Variants in GPR176 observed in about 807,000 individuals in gnomAD.
The protein encoded by GPR176 is G protein-coupled receptor 176, also known as G-protein coupled receptor 176.
A neutral mutation model predicts 35.4 loss-of-function variants in GPR176; 26 were observed. The observed-to-expected ratio is 0.74, with a 90% confidence interval of 0.54 to 1.02. The LOEUF is 1.02. GPR176 is among the 50% of genes least tolerant of loss of function. GPR176 has a pLI of 0.00. For synonymous variants in GPR176, 278 were observed against 271.3 expected, an observed-to-expected ratio of 1.02 and a Z score of -0.24; for missense variants, 597 against 665.3, an observed-to-expected ratio of 0.90 and a Z score of 1.13.
chr15:39,890,150 TG>T (rs1318243665), intron 1 of GPR176, among the ~76,000 whole-genome samples: 1 of 152,146 alleles, frequency 6.6e-6, no homozygotes, highest in Non-Finnish European at 1.5e-5. Context: ...ACTACAAATT[TG>T]GGTTTTCTTA....
intron 1 of GPR176, among the ~76,000 whole-genome samples, chr15:39,822,781 T>C (rs1317186409): frequency 6.6e-6 from 1 of 152,200 alleles, no homozygotes; most frequent in African/African-American, 2.4e-5. Context: ...TCAGTAAAAT[T>C]AATGAAATCA....
intron 1 of GPR176, among the ~76,000 whole-genome samples, chr15:39,902,138 A>G (rs2140871702): frequency 6.6e-6 from 1 of 152,240 alleles, no homozygotes; most frequent in Non-Finnish European, 1.5e-5. Context: ...CTAAAACAGA[A>G]TTTCTGTTGG....
intron 1 of GPR176, among the ~76,000 whole-genome samples, chr15:39,812,398 A>T (rs966734660): frequency 1.3e-5 from 2 of 152,234 alleles, no homozygotes; most frequent in African/African-American, 4.8e-5. Context: ...TCTGGCCTCC[A>T]TCTTTCTCCC....
At chr15:39,875,120 T>C (rs1297228225) in intron 1 of GPR176, among the ~76,000 whole-genome samples, 1 of 152,162 alleles carries the variant, frequency 6.6e-6, no homozygotes. Flanking sequence ...CAACAGAACA[T>C]GGAGCCCAGT....
At chr15:39,902,353 A>C (rs1477770104) in intron 1 of GPR176, among the ~76,000 whole-genome samples, 3 of 152,178 alleles carry the variant, frequency 2.0e-5, no homozygotes, top group East Asian at 1.9e-4. Flanking sequence ...TTTGTTATTA[A>C]CAAGAAAAAT....
chr15:39,827,733 T>C (rs2050798312), intron 1 of GPR176, among the ~76,000 whole-genome samples: 1 of 152,184 alleles, frequency 6.6e-6, no homozygotes, highest in African/African-American at 2.4e-5. Flanking sequence ...TTACTTTTAA[T>C]GGAAAAAAAC....
intron 2 of GPR176, among the ~76,000 whole-genome samples, chr15:39,804,196 T>C: frequency 6.6e-6 from 1 of 152,176 alleles, no homozygotes. Context: ...ACAGGCTCAC[T>C]ATAAATAATG....
At chr15:39,841,621 C>T (rs916986112) in intron 1 of GPR176, among the ~76,000 whole-genome samples, 1 of 152,060 alleles carries the variant, frequency 6.6e-6, no homozygotes, top group Admixed American at 6.6e-5. Flanking sequence ...GAGGAATGGG[C>T]AAGGAAGGGT....
chr15:39,910,298 A>G (rs901633010), intron 1 of GPR176, among the ~76,000 whole-genome samples: 7 of 152,246 alleles, frequency 4.6e-5, no homozygotes, highest in Non-Finnish European at 7.3e-5. Context: ...TCAATTGGTA[A>G]AAACTTCAGC....
chr15:39,849,597 T>A lies in GPR176; in HGVS notation c.173-42339A>T, dbSNP rs373113001. On this transcript the variant is annotated intron_variant, in intron 1 of 2. Transcript: ENST00000561100. ...ACCATTCCCAAGCCTGCTTTCAACATTTGAAAATCAATCAATATAATCTAC... is the reference window on the plus strand; with the variant it reads ...ACCATTCCCAAGCCTGCTTTCAACAATTGAAAATCAATCAATATAATCTAC... 5.3e-5 allele frequency among the ~76,000 whole-genome samples: 8 copies of A among 152,262 alleles called. 1 individual carries two copies. In the East Asian group the frequency reaches 9.6e-4, roughly 18 times the overall value.
chr15:39,812,649 A>G (rs547835759), intron 1 of GPR176, among the ~76,000 whole-genome samples: 14 of 150,978 alleles, frequency 9.3e-5, no homozygotes, highest in African/African-American at 3.4e-4. Context: ...CTTCTAATAA[A>G]CTCCCCTTCA....
At chr15:39,918,043 C>T (rs1480210770) in intron 1 of GPR176, among the ~76,000 whole-genome samples, 2 of 29,690 alleles carry the variant, frequency 6.7e-5, no homozygotes, top group East Asian at 1.3e-3. Context: ...GAAACTCTGT[C>T]TAAAAAAAAA....
intron 1 of GPR176, chr15:39,813,480 C>G (rs1899703668): frequency 6.6e-6 from 1 of 152,228 alleles, no homozygotes; most frequent in African/African-American, 2.4e-5. Context: ...AAAGATATCA[C>G]TCCATTGTCT....
At chr15:39,879,459 G>T (rs976808517) in intron 1 of GPR176, among the ~76,000 whole-genome samples, 1 of 152,142 alleles carries the variant, frequency 6.6e-6, no homozygotes, top group Admixed American at 6.5e-5. Context: ...AAATGTTCAG[G>T]CCAATTAATG....
At chr15:39,875,339 T>C (rs976707750) in intron 1 of GPR176, among the ~76,000 whole-genome samples, 1 of 152,254 alleles carries the variant, frequency 6.6e-6, no homozygotes, top group African/African-American at 2.4e-5. Flanking sequence ...TTGGAATTTC[T>C]ATTGTTTCTT....
rs1566931917 is a variant in GPR176 at position 39,801,200 on chromosome 15, C to T, written c.1480G>A (p.Val494Ile). The change falls in exon 3 of 3, where the codon GTA becomes ATA. Residue 494 changes from valine to isoleucine, a missense_variant. Physicochemically the swap from Val to Ile is conservative, Grantham distance 29. Coordinates refer to ENST00000561100, the MANE Select transcript of GPR176 (RefSeq NM_007223.3). ...CTCATCTTCCGCTCCACCCTGCCTA[C>T]CTTGGGCACCTTTGTCTGGATCAGC... is the stretch of plus-strand genomic sequence containing the variant. ...EELIQTKVPKVGRVERKMSRN... is the reference protein window; with the variant it reads ...EELIQTKVPKIGRVERKMSRN... 6.2e-7 allele frequency: 1 copy of T among 1,614,156 alleles called. No individual in the cohort carries two copies.
chr15:39,860,573 A>T (rs1036581893), intron 1 of GPR176, among the ~76,000 whole-genome samples: 4 of 152,124 alleles, frequency 2.6e-5, no homozygotes, highest in Admixed American at 6.5e-5. Flanking sequence ...AAAATGCCTT[A>T]GTTTATAATC....
At chr15:39,803,675 C>T (rs1350688988) in intron 2 of GPR176, among the ~76,000 whole-genome samples, 1 of 152,110 alleles carries the variant, frequency 6.6e-6, no homozygotes, top group African/African-American at 2.4e-5. Context: ...TGTCTCTAAA[C>T]CCAACGGGGA....
chr15:39,893,106 A>T (rs80133789), intron 1 of GPR176, among the ~76,000 whole-genome samples: 36,890 of 147,268 alleles, frequency 0.25, 4,817 homozygotes, highest in Non-Finnish European at 0.32. Context: ...TTTTTTTTTT[A>T]AATTTATTTA....
Sources: allele counts gnomAD v4.1 joint callset (sites outside exome capture counted in the v4.1 genomes callset), GRCh38; gene constraint gnomAD v4.1.1; transcripts MANE v1.5; gene names NCBI Gene and HGNC (gene_info 2026-07-23, HGNC 2026-07-21).